Variants in PTPRD observed in about 807,000 individuals in gnomAD.
The protein encoded by PTPRD is protein tyrosine phosphatase receptor type D, also known as receptor-type tyrosine-protein phosphatase delta.
A neutral mutation model predicts 214.5 loss-of-function variants in PTPRD; 34 were observed. That is an observed-to-expected ratio of 0.16 (90% confidence interval 0.12 to 0.21). The LOEUF (loss-of-function observed/expected upper bound fraction) is 0.21, where lower values mean the gene tolerates loss of function less well. PTPRD is among the 10% of genes least tolerant of loss of function. The pLI is 1.00. For missense variants in PTPRD, 2,545 were observed against 2,398.7 expected (o/e 1.06, Z -1.27); for synonymous variants, 1,128 against 845.7 (o/e 1.33, Z -5.79).
intron 9 of PTPRD, among the ~76,000 whole-genome samples, chr9:9,228,243 T>C (rs1032828275): frequency 1.2e-4 from 18 of 152,148 alleles, no homozygotes; most frequent in African/African-American, 3.9e-4. Context: ...TTCATAAGAA[T>C]TGAATTCAAT....
chr9:10,368,104 A>G (rs2097546614), intron 2 of PTPRD, among the ~76,000 whole-genome samples: 1 of 152,152 alleles, frequency 6.6e-6, no homozygotes, highest in Non-Finnish European at 1.5e-5. Flanking sequence ...GTAAGCAGAG[A>G]CAGCCTTAGG....
intron 9 of PTPRD, among the ~76,000 whole-genome samples, chr9:9,366,183 T>C (rs1028690477): frequency 6.6e-6 from 1 of 151,482 alleles, no homozygotes; most frequent in Admixed American, 6.6e-5. Context: ...TATTAACAAA[T>C]AAAACTAAAA....
At chr9:10,212,681 T>A (rs1222769511) in intron 3 of PTPRD, among the ~76,000 whole-genome samples, 1 of 152,138 alleles carries the variant, frequency 6.6e-6, no homozygotes, top group African/African-American at 2.4e-5. Flanking sequence ...CTTTTCCCCA[T>A]AAACCAGGTC....
chr9:10,271,871 C>A (rs1039017348), intron 3 of PTPRD, among the ~76,000 whole-genome samples: 3 of 151,916 alleles, frequency 2.0e-5, no homozygotes, highest in Non-Finnish European at 4.4e-5. Flanking sequence ...CATTGGAATT[C>A]TTCTTTGATT....
At chr9:9,407,474 C>A (rs533079225) in intron 8 of PTPRD, among the ~76,000 whole-genome samples, 2 of 151,594 alleles carry the variant, frequency 1.3e-5, no homozygotes, top group African/African-American at 4.8e-5. Context: ...ATTGAGTATA[C>A]CAGATTTATC....
At position 8,518,301 on chromosome 9, in the gene PTPRD, C is replaced by T. The variant is rs2138570121; in HGVS notation, c.1090G>A (p.Glu364Lys). 5.0e-6 allele frequency: 8 copies of T among 1,614,110 alleles called. No homozygotes were observed. The highest frequency in any genetic ancestry group is 1.1e-5 in the South Asian group (1 of 91,072). The stretch of plus-strand genomic sequence containing the variant: ...CCATCAATTTCTTTGTAAAGTTCCT[C>T]AGAGTTTTTAGGTTTATGCTGAATT... ...YIIQHKPKNS[E>K]ELYKEIDGVA... The change falls in exon 21 of 46, where the codon GAG becomes AAG. Residue 364 changes from glutamate to lysine, a missense_variant. Physicochemically the swap from Glu to Lys is moderately conservative, Grantham distance 56. Coordinates refer to ENST00000381196, the MANE Select transcript of PTPRD (RefSeq NM_002839.4).
intron 2 of PTPRD, among the ~76,000 whole-genome samples, chr9:10,569,942 ATG>A (rs2066902230): frequency 6.6e-6 from 1 of 152,098 alleles, no homozygotes; most frequent in Admixed American, 6.6e-5. Context: ...CTTGCTCTGA[ATG>A]TGTTTTTTAT....
intron 3 of PTPRD, among the ~76,000 whole-genome samples, chr9:10,044,369 T>C (rs1326768476): frequency 6.6e-6 from 1 of 151,800 alleles, no homozygotes; most frequent in Non-Finnish European, 1.5e-5. Context: ...GAAGCCTTTG[T>C]TCTGATTTAC....
At chr9:10,357,533 C>T (rs1480692608) in intron 2 of PTPRD, among the ~76,000 whole-genome samples, 6 of 152,092 alleles carry the variant, frequency 3.9e-5, no homozygotes, top group African/African-American at 4.8e-5. Flanking sequence ...TCAGCTAATA[C>T]GTATGCAAAG....
chr9:9,275,534 C>G lies in PTPRD; in HGVS notation c.-202-92171G>C, dbSNP rs752712119. Among the ~76,000 whole-genome samples, 21 of 151,038 alleles carry G rather than the reference C, an allele frequency of 1.4e-4. 1 individual carries two copies. The highest frequency in any genetic ancestry group is 1.2e-3 in the South Asian group (6 of 4,808). The stretch of plus-strand genomic sequence containing the variant: ...ATGTCTGTCTGTTCTGCAACAGGTT[C>G]CATTAGCCAAGGTTGGCTGGTAAGA... On this transcript the variant is annotated intron_variant, in intron 9 of 45. Coordinates refer to ENST00000381196, the MANE Select transcript of PTPRD (RefSeq NM_002839.4).
intron 5 of PTPRD, among the ~76,000 whole-genome samples, chr9:9,805,524 T>C (rs2099067588): frequency 6.6e-6 from 1 of 152,208 alleles, no homozygotes; most frequent in Non-Finnish European, 1.5e-5. Flanking sequence ...GAAGGAACCC[T>C]TTCAGATTAG....
At chr9:8,457,138 T>C (rs1353463478) in intron 33 of PTPRD, among the ~76,000 whole-genome samples, 1 of 152,106 alleles carries the variant, frequency 6.6e-6, no homozygotes, top group African/African-American at 2.4e-5. Flanking sequence ...ATTAAAAAGG[T>C]CTAATTATCT....
At chr9:8,385,896 C>T (rs2086841858) in intron 37 of PTPRD, among the ~76,000 whole-genome samples, 1 of 152,106 alleles carries the variant, frequency 6.6e-6, no homozygotes, top group Non-Finnish European at 1.5e-5. Context: ...GAAACGTGGG[C>T]ATAATTAACC....
chr9:9,548,987 C>G (rs1463129466), intron 8 of PTPRD, among the ~76,000 whole-genome samples: 1 of 152,102 alleles, frequency 6.6e-6, no homozygotes, highest in African/African-American at 2.4e-5. Context: ...ATTTGACCAA[C>G]CTTCTCAAAC....
Position 9,806,540 on chromosome 9 carries a change from T to TG in PTPRD, c.-367-39690dup, listed in dbSNP as rs555192518. 2.3e-3 allele frequency among the ~76,000 whole-genome samples: 355 copies of TG among 152,216 alleles called. 5 individuals carry two copies. Among genetic ancestry groups the TG allele is most frequent in the Non-Finnish European group, 3.1e-3 (214 of 68,000 alleles). ...AATGTACTTTGTAACATCCATCCCC[T>TG]GCCCGCAAAAAATTGCTCCTGACTC... is the stretch of plus-strand genomic sequence containing the variant. On this transcript the variant is annotated intron_variant, in intron 5 of 45. Transcript: ENST00000381196.
intron 3 of PTPRD, among the ~76,000 whole-genome samples, chr9:10,109,155 G>A (rs1176565827): frequency 6.6e-6 from 1 of 152,120 alleles, no homozygotes; most frequent in East Asian, 1.9e-4. Flanking sequence ...CTAAACAGGA[G>A]GCTAAAAAGA....
intron 12 of PTPRD, among the ~76,000 whole-genome samples, chr9:8,686,276 G>A (rs891424837): frequency 1.6e-4 from 24 of 152,174 alleles, no homozygotes; most frequent in African/African-American, 5.5e-4. Flanking sequence ...AATTGGCCAA[G>A]TATAAAGTTA....
rs1182105987 is a variant in PTPRD at position 10,271,121 on chromosome 9, G to C, written c.-545+69842C>G. ...TTACAGACCTGAACCATGGTGCCTGGCCTGGACCTAACATTTTAATAGATA... is the reference window on the plus strand; with the variant it reads ...TTACAGACCTGAACCATGGTGCCTGCCCTGGACCTAACATTTTAATAGATA... On this transcript the variant is annotated intron_variant, in intron 3 of 45. Coordinates refer to ENST00000381196, the MANE Select transcript of PTPRD (RefSeq NM_002839.4). 2.0e-5 allele frequency among the ~76,000 whole-genome samples: 3 copies of C among 152,076 alleles called. No homozygotes were observed. In the East Asian group the frequency reaches 5.8e-4, roughly 29 times the overall value.
intron 10 of PTPRD, among the ~76,000 whole-genome samples, chr9:9,109,886 T>C (rs1278416549): frequency 1.3e-5 from 2 of 152,054 alleles, no homozygotes; most frequent in African/African-American, 2.4e-5. Context: ...AGCTTAGATT[T>C]TGAAAATCGA....
Sources: gnomAD v4.1 joint callset for allele counts (sites outside exome capture counted in the v4.1 genomes callset) on GRCh38, gnomAD v4.1.1 for gene constraint, MANE v1.5 for transcripts, NCBI Gene and HGNC (gene_info 2026-07-23, HGNC 2026-07-21) for gene names.